Variants in HLCS observed in about 807,000 individuals in gnomAD.
HLCS encodes holocarboxylase synthetase.
A neutral mutation model predicts 75.0 loss-of-function variants in HLCS; 53 were observed. The observed-to-expected ratio is 0.71, with a 90% CI of 0.57 to 0.89. The LOEUF is 0.89. HLCS is among the 40% of genes least tolerant of loss of function. The pLI is 0.00. For synonymous variants in HLCS, 431 were observed against 428.6 expected (o/e 1.01, Z -0.07); for missense variants, 966 against 1,074.0 (o/e 0.90, Z 1.41).
intron 6 of HLCS, among the ~76,000 whole-genome samples, chr21:36,858,031 AC>A (rs2063257811): frequency 2.0e-5 from 3 of 151,286 alleles, no homozygotes; most frequent in Admixed American, 2.0e-4. Context: ...CTAATGATCC[AC>A]CCGCCTCAAC....
At chr21:36,988,018 TTC>T (rs1367807426) in intron 1 of HLCS, among the ~76,000 whole-genome samples, 8 of 152,224 alleles carry the variant, frequency 5.3e-5, no homozygotes, top group African/African-American at 1.9e-4. Flanking sequence ...ATTTGTTCAC[TTC>T]TGTTTGTATT....
At chr21:36,856,116 G>A in intron 6 of HLCS, among the ~76,000 whole-genome samples, 1 of 152,130 alleles carries the variant, frequency 6.6e-6, no homozygotes, top group East Asian at 1.9e-4. Context: ...GTTTCTTTTT[G>A]GGGTGATTTT....
At chr21:36,761,484 T>G (rs2089842142) in intron 8 of HLCS, among the ~76,000 whole-genome samples, 1 of 151,972 alleles carries the variant, frequency 6.6e-6, no homozygotes, top group Admixed American at 6.6e-5. Context: ...GACCCAGAAC[T>G]GATCAACAGC....
chr21:36,976,451 G>A (rs1044707573), intron 1 of HLCS, among the ~76,000 whole-genome samples: 3 of 152,074 alleles, frequency 2.0e-5, no homozygotes, highest in Non-Finnish European at 4.4e-5. Flanking sequence ...GGGCGTGGTG[G>A]TGTGCACCTG....
At chr21:36,756,287 A>C (rs938898566) in intron 10 of HLCS, among the ~76,000 whole-genome samples, 6 of 151,688 alleles carry the variant, frequency 4.0e-5, no homozygotes, top group East Asian at 1.9e-4. Flanking sequence ...AAATACAAAA[A>C]ATTAGCCGGG....
intron 1 of HLCS, among the ~76,000 whole-genome samples, chr21:36,965,881 G>T (rs999207245): frequency 1.3e-5 from 2 of 152,106 alleles, no homozygotes. Flanking sequence ...CTCCAGAGTA[G>T]CTGGGACTAC....
At chr21:36,907,610 C>A (rs2065514475) in intron 5 of HLCS, among the ~76,000 whole-genome samples, 1 of 151,936 alleles carries the variant, frequency 6.6e-6, no homozygotes, top group South Asian at 2.1e-4. Flanking sequence ...AAGTTGAGAT[C>A]ATGCGCACTC....
At chr21:36,841,056 C>A (rs986002195) in intron 6 of HLCS, among the ~76,000 whole-genome samples, 3 of 151,728 alleles carry the variant, frequency 2.0e-5, no homozygotes, top group African/African-American at 7.3e-5. Flanking sequence ...AATTATACCT[C>A]AATTAAAAAA....
At chr21:36,853,690 T>C (rs1156432203) in intron 6 of HLCS, among the ~76,000 whole-genome samples, 1 of 152,226 alleles carries the variant, frequency 6.6e-6, no homozygotes, top group African/African-American at 2.4e-5. Context: ...ATAACTCTAA[T>C]AACCAGTAAC....
At chr21:36,803,186 T>C (rs1276661839) in intron 6 of HLCS, among the ~76,000 whole-genome samples, 3 of 152,196 alleles carry the variant, frequency 2.0e-5, no homozygotes, top group Admixed American at 1.3e-4. Flanking sequence ...GAAGTGGCTG[T>C]CTGGCACATC....
intron 6 of HLCS, among the ~76,000 whole-genome samples, chr21:36,818,316 T>C (rs1232593407): frequency 1.3e-5 from 2 of 152,216 alleles, no homozygotes; most frequent in Admixed American, 6.5e-5. Context: ...GAGGAGCACA[T>C]AGGCCGTGAT....
At chr21:36,971,505 T>A (rs2068787800), upstream of HLCS, among the ~76,000 whole-genome samples, 1 of 152,020 alleles carries the variant, frequency 6.6e-6, no homozygotes, top group Non-Finnish European at 1.5e-5. Flanking sequence ...AGTATCAAAT[T>A]GAAATACACC....
rs1363876294 is a variant in HLCS, at chr21:36,829,676, AC to A, written c.1893-62392del. 3.3e-5 allele frequency among the ~76,000 whole-genome samples: 5 copies of A among 152,158 alleles called. No homozygotes were observed. The East Asian group carries it at 9.6e-4, about 29-fold the overall frequency. On this transcript the variant is annotated intron_variant, in intron 6 of 10. Transcript: ENST00000674895. ...TGTTTCTAGTATCAAAATAAAAAAGACCCTGTCTCCTCCCTCATGTAATTTG... is the reference window on the plus strand; with the variant it reads ...TGTTTCTAGTATCAAAATAAAAAAGACCTGTCTCCTCCCTCATGTAATTTG...
intron 1 of HLCS, among the ~76,000 whole-genome samples, chr21:36,975,813 C>T (rs906394355): frequency 1.3e-5 from 2 of 152,110 alleles, no homozygotes; most frequent in Non-Finnish European, 2.9e-5. Context: ...CCCACCTAAC[C>T]GGGTCTCCCT....
intron 6 of HLCS, among the ~76,000 whole-genome samples, chr21:36,815,597 T>C (rs1427570284): frequency 2.0e-5 from 3 of 152,110 alleles, no homozygotes; most frequent in Admixed American, 2.0e-4. Flanking sequence ...GACAAATGAG[T>C]AAAGACGGGG....
intron 6 of HLCS, among the ~76,000 whole-genome samples, chr21:36,891,605 T>C (rs1263379320): frequency 2.0e-5 from 3 of 152,130 alleles, no homozygotes; most frequent in African/African-American, 4.8e-5. Flanking sequence ...ACCTTCTATA[T>C]GTTGGGAGGT....
chr21:36,882,567 A>G (rs1431248614), intron 6 of HLCS, among the ~76,000 whole-genome samples: 9 of 148,358 alleles, frequency 6.1e-5, no homozygotes, highest in Admixed American at 1.3e-4. Flanking sequence ...TAGCCTCCTG[A>G]GTAGCTGGGA....
intron 5 of HLCS, among the ~76,000 whole-genome samples, chr21:36,917,578 G>A (rs552518593): frequency 6.6e-5 from 10 of 152,224 alleles, no homozygotes; most frequent in African/African-American, 1.7e-4. Flanking sequence ...CAGTTCCTAC[G>A]TCATACCTGG....
chr21:36,824,779 G>C (rs888472755), intron 6 of HLCS, among the ~76,000 whole-genome samples: 3 of 152,098 alleles, frequency 2.0e-5, no homozygotes, highest in African/African-American at 4.8e-5. Context: ...TGAAGAACAC[G>C]CCAACTTTCC....
Sources: gnomAD v4.1 joint callset for allele counts (sites outside exome capture counted in the v4.1 genomes callset) on GRCh38, gnomAD v4.1.1 for gene constraint, MANE v1.5 for transcripts, NCBI Gene and HGNC (gene_info 2026-07-23, HGNC 2026-07-21) for gene names.